EXO1: variants seen among roughly 807,000 people sequenced by gnomAD.
EXO1 encodes the protein exonuclease 1.
A neutral mutation model predicts 84.5 loss-of-function variants in EXO1; 69 were observed. The ratio of observed to expected loss-of-function variants is 0.82; its 90% confidence interval spans 0.67 to 1.00. EXO1 has a LOEUF of 1.00. Among genes scored for constraint, EXO1 ranks in the 50% least tolerant of loss-of-function variants. The probability of loss-of-function intolerance (pLI) is 0.00; values close to 1 mark genes in which losing one functional copy is unlikely to be tolerated. For synonymous variants in EXO1, 373 were observed against 366.1 expected (o/e 1.02, Z -0.21); for missense variants, 1,045 against 1,000.7 (o/e 1.04, Z -0.60).
At chr1:241,888,455 C>T (rs527362108) in intron 15 of EXO1, among the ~76,000 whole-genome samples, 3 of 152,238 alleles carry the variant, frequency 2.0e-5, no homozygotes, top group African/African-American at 7.2e-5. Context: ...CTCTGTTCTG[C>T]TTTAGCAACA....
At chr1:241,850,615 G>A (rs1381682183) in intron 4 of EXO1, 29 bp downstream of exon 4, 1 of 1,596,966 alleles carries the variant, frequency 6.3e-7, no homozygotes, top group Admixed American at 1.7e-5. Context: ...TTAATTCTTT[G>A]ACAATTAAGA....
intron 14 of EXO1, among the ~76,000 whole-genome samples, chr1:241,882,504 G>A (rs1198345923): frequency 6.6e-6 from 1 of 152,090 alleles, no homozygotes; most frequent in Admixed American, 6.6e-5. Flanking sequence ...AACTAGGTTT[G>A]TTGAATCAAA....
intron 12 of EXO1, among the ~76,000 whole-genome samples, chr1:241,875,219 G>A (rs942436121): frequency 2.0e-4 from 31 of 152,242 alleles, no homozygotes; most frequent in African/African-American, 7.0e-4. Flanking sequence ...GGCCAGGCTG[G>A]TGTCGAACTC....
Position 241,860,548 on chromosome 1 carries a change from T to A in EXO1, c.788T>A (p.Met263Lys). 6.2e-7 allele frequency: 1 copy of A among 1,614,014 alleles called. No individual in the cohort carries two copies. The highest frequency in any genetic ancestry group is 8.5e-7 in the Non-Finnish European group (1 of 1,179,882). ...AAGAAAATTGGACATTATCTCAAGA[T>A]GAATATCACGGTACCAGAGGATTAC... ...VIKKIGHYLK[M>K]NITVPEDYIN... Residue 263 changes from methionine (M) to lysine (K), a missense_variant, in exon 9 of 16, where the codon ATG (methionine) becomes AAG (lysine). Met to Lys is a moderately conservative substitution (Grantham distance 95). Transcript: ENST00000366548.
intron 8 of EXO1, among the ~76,000 whole-genome samples, chr1:241,860,089 A>G (rs999067678): frequency 1.3e-5 from 2 of 152,200 alleles, no homozygotes; most frequent in African/African-American, 4.8e-5. Flanking sequence ...TTCCAGCTTT[A>G]AGCATCCATG....
At chr1:241,885,640 C>T (rs1325355279) in intron 15 of EXO1, 133 bp downstream of exon 15, 3 of 765,958 alleles carry the variant, frequency 3.9e-6, no homozygotes, top group African/African-American at 3.4e-5. Context: ...ATTTTTCTCT[C>T]TTCCCTTTAG....
chr1:241,855,684 G>A (rs1406135582), intron 6 of EXO1, among the ~76,000 whole-genome samples: 3 of 152,352 alleles, frequency 2.0e-5, no homozygotes, highest in Non-Finnish European at 2.9e-5. Context: ...GAGGGGGTGG[G>A]AGGCTCAGGC....
chr1:241,863,030 G>C (rs972404224), intron 10 of EXO1, among the ~76,000 whole-genome samples: 2 of 152,104 alleles, frequency 1.3e-5, no homozygotes, highest in East Asian at 3.9e-4. Context: ...AAAGAAATGC[G>C]GTAAGTGCTA....
rs1660711875 is a variant in EXO1 at position 241,852,235 on chromosome 1, GCAGAAGTATTA to G, written c.162-55_162-45del. The G allele has an allele frequency of 2.7e-6, 4 of 1,501,184 alleles. No homozygotes were observed. In the Admixed American group the frequency reaches 6.7e-5, roughly 25 times the overall value. The allele number at this position is 1,501,184 out of a possible 1,614,324, so 93.0% of individuals were successfully genotyped here. A position where few individuals can be genotyped will look rare whatever the true frequency, so the allele number is the denominator to read the frequency against. On this transcript the variant is annotated intron_variant, in intron 4 of 15. Coordinates refer to ENST00000366548, the MANE Select transcript of EXO1 (RefSeq NM_130398.4). ...GTTTTCTCATCTGGCCTAAAATAGA[GCAGAAGTATTA>G]CCTTAAGAAAGGTGAAGCACTGAAT...
chr1:241,855,809 AGCCGCTG>A (rs1660983331), intron 6 of EXO1, among the ~76,000 whole-genome samples: 1 of 152,240 alleles, frequency 6.6e-6, no homozygotes, highest in African/African-American at 2.4e-5. Flanking sequence ...CATCCTCCGC[AGCCGCTG>A]GCCCGGGTGC....
chr1:241,871,936 C>G, intron 11 of EXO1, 96 bp from the exon 12 acceptor site: 1 of 628,762 alleles, frequency 1.6e-6, no homozygotes, highest in Non-Finnish European at 2.5e-6. Context: ...TTTTAAAGTC[C>G]TTATTTTTAG....
chr1:241,869,347 G>A (rs890637875), intron 11 of EXO1, among the ~76,000 whole-genome samples: 2 of 152,214 alleles, frequency 1.3e-5, no homozygotes, highest in Non-Finnish European at 2.9e-5. Flanking sequence ...TTGAACAGAA[G>A]TGCTGAGAGG....
At chr1:241,887,793 C>G (rs1558150528) in intron 15 of EXO1, among the ~76,000 whole-genome samples, 1 of 152,118 alleles carries the variant, frequency 6.6e-6, no homozygotes, top group East Asian at 1.9e-4. Flanking sequence ...CGCCTGCCAC[C>G]ATGCCTTACT....
chr1:241,863,959 A>G (rs1413192105), intron 10 of EXO1, among the ~76,000 whole-genome samples: 2 of 152,056 alleles, frequency 1.3e-5, no homozygotes, highest in Non-Finnish European at 2.9e-5. Flanking sequence ...GGACTCTTTA[A>G]TTGTACTTTT....
At chr1:241,870,349 T>G (rs756710743) in intron 11 of EXO1, among the ~76,000 whole-genome samples, 1 of 152,216 alleles carries the variant, frequency 6.6e-6, no homozygotes, top group Non-Finnish European at 1.5e-5. Context: ...GATTTAAAGA[T>G]AGCCATTGTG....
chr1:241,866,502 A>G (rs1374856808), intron 10 of EXO1, among the ~76,000 whole-genome samples: 2 of 138,268 alleles, frequency 1.4e-5, no homozygotes, highest in South Asian at 2.4e-4. Flanking sequence ...GAAGATTTTT[A>G]TTTATTTATT....
intron 10 of EXO1, among the ~76,000 whole-genome samples, chr1:241,866,018 C>T (rs1429878373): frequency 6.6e-6 from 1 of 152,086 alleles, no homozygotes; most frequent in Non-Finnish European, 1.5e-5. Context: ...TGTGTCTTTG[C>T]TAATTTTTTC....
At chr1:241,886,143 C>T (rs548154488) in intron 15 of EXO1, among the ~76,000 whole-genome samples, 1 of 152,186 alleles carries the variant, frequency 6.6e-6, no homozygotes, top group Non-Finnish European at 1.5e-5. Flanking sequence ...TAAGCCACCA[C>T]GCCCAGACAA....
chr1:241,865,637 T>A (rs1453809713), intron 10 of EXO1, among the ~76,000 whole-genome samples: 1 of 141,914 alleles, frequency 7.0e-6, no homozygotes, highest in Non-Finnish European at 1.5e-5. Flanking sequence ...CCATCCTTCA[T>A]CAGCTCAAAT....
Sources: allele counts gnomAD v4.1 joint callset (sites outside exome capture counted in the v4.1 genomes callset), GRCh38; gene constraint gnomAD v4.1.1; transcripts MANE v1.5; gene names NCBI Gene and HGNC (gene_info 2026-07-23, HGNC 2026-07-21).